SKAP1: variants seen among roughly 807,000 people sequenced by gnomAD.
SKAP1 encodes src kinase-associated phosphoprotein 1.
A neutral mutation model predicts 58.5 loss-of-function variants in SKAP1; 44 were observed. The ratio of observed to expected loss-of-function variants is 0.75; its 90% CI spans 0.59 to 0.97. The LOEUF (loss-of-function observed/expected upper bound fraction) is 0.97, where lower values mean the gene tolerates loss of function less well. SKAP1 is among the 50% of genes least tolerant of loss of function. SKAP1 has a pLI of 0.00. For synonymous variants in SKAP1, 127 were observed against 149.7 expected, an observed-to-expected ratio of 0.85 and a Z score of 1.11; for missense variants, 390 against 435.2, an observed-to-expected ratio of 0.90 and a Z score of 0.92.
chr17:48,375,899 G>C (rs2067144591), intron 2 of SKAP1, among the ~76,000 whole-genome samples: 1 of 152,134 alleles, frequency 6.6e-6, no homozygotes, highest in Non-Finnish European at 1.5e-5. Flanking sequence ...GATAGTTTAG[G>C]AAGCTACTTG....
intron 1 of SKAP1, among the ~76,000 whole-genome samples, chr17:48,422,856 C>A (rs746970121): frequency 7.9e-5 from 12 of 151,930 alleles, no homozygotes; most frequent in Non-Finnish European, 1.6e-4. Flanking sequence ...GAATACATGG[C>A]AACTTTTTAA....
intron 4 of SKAP1, among the ~76,000 whole-genome samples, chr17:48,324,663 A>C (rs1182112111): frequency 1.3e-5 from 2 of 152,112 alleles, no homozygotes; most frequent in Admixed American, 1.3e-4. Flanking sequence ...GTAGTAGCTC[A>C]GGTATTTCTC....
At position 48,270,509 on chromosome 17, in the gene SKAP1, A is replaced by G. The variant is rs188877695; in HGVS notation, c.280+75396T>C. Among the ~76,000 whole-genome samples the G allele has an allele frequency of 1.5e-3, 233 of 151,832 alleles. 1 individual carries two copies. Among genetic ancestry groups the G allele is most frequent in the African/African-American group, 5.4e-3 (224 of 41,410 alleles). On this transcript the variant is annotated intron_variant, in intron 4 of 12. Coordinates refer to ENST00000336915, the MANE Select transcript of SKAP1 (RefSeq NM_003726.4). ...CAGGTGCGCGCCACATGCCTGGCTA[A>G]TTTTTGTATTTTTAGTAGAGATGGG...
At chr17:48,366,919 G>T (rs950713644) in intron 2 of SKAP1, among the ~76,000 whole-genome samples, 6 of 152,126 alleles carry the variant, frequency 3.9e-5, no homozygotes, top group Admixed American at 1.3e-4. Flanking sequence ...GAACTTTGCT[G>T]TTGCTCTCAT....
intron 4 of SKAP1, among the ~76,000 whole-genome samples, chr17:48,290,922 C>T (rs890555814): frequency 2.6e-5 from 4 of 152,096 alleles, no homozygotes; most frequent in African/African-American, 9.7e-5. Context: ...AGGAGGGTCG[C>T]TTGAGGCCAG....
chr17:48,236,074 G>C (rs2065177042), intron 4 of SKAP1, among the ~76,000 whole-genome samples: 1 of 152,338 alleles, frequency 6.6e-6, no homozygotes. Context: ...TGGATGTGAT[G>C]ATTGTAACAT....
At chr17:48,382,182 A>T (rs1254552722) in intron 2 of SKAP1, among the ~76,000 whole-genome samples, 3 of 95,118 alleles carry the variant, frequency 3.2e-5, no homozygotes, top group South Asian at 3.0e-4. Context: ...TATTATTCTT[A>T]AAAAAAAAAA....
intron 1 of SKAP1, among the ~76,000 whole-genome samples, chr17:48,428,326 G>A (rs1224151002): frequency 2.0e-5 from 3 of 152,284 alleles, no homozygotes; most frequent in East Asian, 1.9e-4. Context: ...AGAAGTATGC[G>A]ACATGCAATT....
intron 4 of SKAP1, among the ~76,000 whole-genome samples, chr17:48,217,520 A>T (rs1183805397): frequency 1.3e-5 from 2 of 152,054 alleles, no homozygotes; most frequent in East Asian, 3.9e-4. Context: ...GGTGGTGTGC[A>T]CCTGTAGTCC....
At chr17:48,267,706 A>G (rs896298638) in intron 4 of SKAP1, among the ~76,000 whole-genome samples, 2 of 152,212 alleles carry the variant, frequency 1.3e-5, no homozygotes, top group African/African-American at 4.8e-5. Context: ...TGCTTACAAA[A>G]TTATTTACTA....
chr17:48,274,410 T>G (rs2065673027), intron 4 of SKAP1, among the ~76,000 whole-genome samples: 1 of 151,244 alleles, frequency 6.6e-6, no homozygotes, highest in Admixed American at 6.6e-5. Context: ...AAAAAAATTT[T>G]TTTTGGCCGG....
At chr17:48,243,704 T>C (rs563397503) in intron 4 of SKAP1, among the ~76,000 whole-genome samples, 8 of 152,268 alleles carry the variant, frequency 5.3e-5, no homozygotes, top group African/African-American at 1.9e-4. Context: ...GTACAATGAA[T>C]GCTATTAATA....
intron 9 of SKAP1, among the ~76,000 whole-genome samples, chr17:48,178,209 C>T (rs1265365738): frequency 6.6e-6 from 1 of 152,096 alleles, no homozygotes; most frequent in Non-Finnish European, 1.5e-5. Flanking sequence ...GACTCTTCCT[C>T]TTTATTCACC....
At chr17:48,432,901 C>T (rs576157240), upstream of SKAP1, among the ~76,000 whole-genome samples, 4 of 152,332 alleles carry the variant, frequency 2.6e-5, no homozygotes, top group South Asian at 8.3e-4. Flanking sequence ...CTTACTTACA[C>T]CAAAAACTCA....
chr17:48,180,137 C>T lies in SKAP1; in HGVS notation c.743G>A (p.Arg248Lys). 1 of 1,613,992 alleles carries T rather than the reference C, an allele frequency of 6.2e-7. No homozygotes were observed. The highest frequency in any genetic ancestry group is 8.5e-7 in the Non-Finnish European group (1 of 1,179,922). The change falls in exon 9 of 13, where the codon AGA (arginine) becomes AAA (lysine). Residue 248 changes from arginine (R) to lysine (K), a missense_variant. Arg to Lys is a conservative substitution (Grantham distance 26, BLOSUM62 2). Coordinates refer to ENST00000336915, the MANE Select transcript of SKAP1 (RefSeq NM_003726.4). ...CACACTCCCAGGCAAGATAGTGGGT[C>T]TGCACTGGGAACCACAACTTGGGGA... ...FDSPSCGSQC[R>K]PTILPGSVGI...
At chr17:48,335,792 A>T (rs2066560155) in intron 4 of SKAP1, among the ~76,000 whole-genome samples, 1 of 152,108 alleles carries the variant, frequency 6.6e-6, no homozygotes, top group South Asian at 2.1e-4. Context: ...AACCCTCAAG[A>T]TTATAGTTTT....
At chr17:48,241,680 C>T (rs2065245533) in intron 4 of SKAP1, among the ~76,000 whole-genome samples, 1 of 152,062 alleles carries the variant, frequency 6.6e-6, no homozygotes, top group Non-Finnish European at 1.5e-5. Flanking sequence ...TTTCACCAGC[C>T]AAAGAAACAT....
chr17:48,291,379 C>A (rs1446492279), intron 4 of SKAP1, among the ~76,000 whole-genome samples: 6 of 152,156 alleles, frequency 3.9e-5, no homozygotes, highest in Non-Finnish European at 8.8e-5. Context: ...CCACACAAAT[C>A]CAGACAGCTG....
intron 11 of SKAP1, among the ~76,000 whole-genome samples, chr17:48,137,627 T>C (rs894551082): frequency 1.3e-5 from 2 of 152,200 alleles, no homozygotes; most frequent in African/African-American, 4.8e-5. Context: ...GTATGGCTTC[T>C]TAGAGAAAGT....
Sources: allele counts gnomAD v4.1 joint callset (sites outside exome capture counted in the v4.1 genomes callset), GRCh38; gene constraint gnomAD v4.1.1; transcripts MANE v1.5; gene names NCBI Gene and HGNC (gene_info 2026-07-23, HGNC 2026-07-21).